NELL1: variants seen among roughly 807,000 people sequenced by gnomAD.
The protein encoded by NELL1 is protein kinase C-binding protein NELL1.
Under a neutral mutation model 107.4 loss-of-function variants are expected in NELL1, and 76 were observed. That is an observed-to-expected ratio of 0.71 (90% CI 0.59 to 0.86). The LOEUF (loss-of-function observed/expected upper bound fraction) is 0.86, where lower values mean the gene tolerates loss of function less well. NELL1 is among the 40% of genes least tolerant of loss of function. The pLI is 0.00. For synonymous variants in NELL1, 353 were observed against 341.2 expected (o/e 1.03, Z -0.38); for missense variants, 1,024 against 1,005.5 (o/e 1.02, Z -0.25).
intron 15 of NELL1, among the ~76,000 whole-genome samples, chr11:21,505,688 C>A (rs559453284): frequency 1.3e-5 from 2 of 152,300 alleles, no homozygotes; most frequent in South Asian, 4.1e-4. Flanking sequence ...ATTGAGATAT[C>A]TTTCCTATGG....
chr11:20,746,566 T>TCACACACACA (rs10556247), intron 2 of NELL1, among the ~76,000 whole-genome samples: 101 of 149,382 alleles, frequency 6.8e-4, no homozygotes, highest in African/African-American at 2.2e-3. Flanking sequence ...GTGACAGATT[T>TCACACACACA]CACACACACA....
intron 12 of NELL1, among the ~76,000 whole-genome samples, chr11:21,106,763 T>A (rs1565063365): frequency 6.6e-6 from 1 of 152,210 alleles, no homozygotes; most frequent in African/African-American, 2.4e-5. Flanking sequence ...CTAGGTTCTA[T>A]AGGCATTTGT....
intron 14 of NELL1, among the ~76,000 whole-genome samples, chr11:21,347,594 C>T (rs1000966372): frequency 1.3e-5 from 2 of 152,140 alleles, no homozygotes; most frequent in Non-Finnish European, 2.9e-5. Context: ...AAGAGCAAAA[C>T]TCTGCCTAAA....
chr11:20,777,325 A>C (rs899526747), intron 2 of NELL1, among the ~76,000 whole-genome samples: 2 of 152,276 alleles, frequency 1.3e-5, no homozygotes, highest in Admixed American at 1.3e-4. Flanking sequence ...TGGCACAGTA[A>C]TAAGATATAC....
intron 3 of NELL1, among the ~76,000 whole-genome samples, chr11:20,838,315 G>C (rs1472214112): frequency 1.3e-5 from 2 of 149,136 alleles, no homozygotes; most frequent in Non-Finnish European, 1.5e-5. Context: ...GCCTGAGGAG[G>C]CATGACAAAC....
At chr11:20,738,629 C>T (rs72942766) in intron 2 of NELL1, among the ~76,000 whole-genome samples, 3,585 of 152,196 alleles carry the variant, frequency 0.024, 70 homozygotes, top group Non-Finnish European at 0.035. Context: ...GGACTTGGAC[C>T]TGGATTCAAG....
At chr11:20,798,362 G>A (rs78458214) in intron 3 of NELL1, among the ~76,000 whole-genome samples, 5,124 of 152,264 alleles carry the variant, frequency 0.034, 284 homozygotes, top group African/African-American at 0.12. Flanking sequence ...ATATGTGCAT[G>A]TTAGATTTTG....
chr11:20,959,327 C>T (rs1851242345), intron 11 of NELL1, among the ~76,000 whole-genome samples: 1 of 152,162 alleles, frequency 6.6e-6, no homozygotes, highest in Admixed American at 6.5e-5. Context: ...TACTGGGTAT[C>T]TACCTAGAGG....
At chr11:21,454,585 A>G (rs1050789669) in intron 15 of NELL1, among the ~76,000 whole-genome samples, 3 of 152,254 alleles carry the variant, frequency 2.0e-5, no homozygotes, top group Non-Finnish European at 4.4e-5. Context: ...GAAAAAGAAT[A>G]CATCTCTTAG....
At chr11:21,123,374 C>T (rs916102349) in intron 13 of NELL1, among the ~76,000 whole-genome samples, 36 of 140,948 alleles carry the variant, frequency 2.6e-4, no homozygotes, top group African/African-American at 8.6e-4. Context: ...TGTGCGTTTC[C>T]ATGTATGTGT....
At chr11:21,453,172 T>A (rs1335260398) in intron 15 of NELL1, among the ~76,000 whole-genome samples, 3 of 152,238 alleles carry the variant, frequency 2.0e-5, no homozygotes, top group Non-Finnish European at 2.9e-5. Flanking sequence ...GCTCATTTAT[T>A]TTCTACTTGC....
chr11:20,985,460 C>T (rs1011876960), intron 12 of NELL1, among the ~76,000 whole-genome samples: 1 of 152,172 alleles, frequency 6.6e-6, no homozygotes, highest in African/African-American at 2.4e-5. Flanking sequence ...TATGGAAAAT[C>T]TATGACTGCT....
At chr11:20,764,611 C>CTTT (rs200315813) in intron 2 of NELL1, among the ~76,000 whole-genome samples, 20,469 of 141,890 alleles carry the variant, frequency 0.14, 1,503 homozygotes, top group South Asian at 0.19. Flanking sequence ...CACCCCAGAC[C>CTTT]TTTTTTTTTT....
intron 12 of NELL1, among the ~76,000 whole-genome samples, chr11:21,063,117 G>A (rs573291962): frequency 9.2e-5 from 14 of 152,202 alleles, no homozygotes; most frequent in Non-Finnish European, 1.5e-4. Flanking sequence ...TGAAGTGCTA[G>A]GATTACAAAT....
At chr11:21,473,675 G>T (rs2133889491) in intron 15 of NELL1, among the ~76,000 whole-genome samples, 1 of 152,092 alleles carries the variant, frequency 6.6e-6, no homozygotes, top group South Asian at 2.1e-4. Context: ...AATCTAGGTA[G>T]GATCAAGCTA....
At chr11:21,225,224 G>T (rs182239898) in intron 13 of NELL1, among the ~76,000 whole-genome samples, 1 of 152,230 alleles carries the variant, frequency 6.6e-6, no homozygotes, top group East Asian at 1.9e-4. Flanking sequence ...CTCTTAAAAT[G>T]GTATTGTGCT....
rs562100510 is a variant in NELL1 at position 21,442,592 on chromosome 11, TATTC to T, written c.1645+71646_1645+71649del. Among the ~76,000 whole-genome samples, 129 of 152,332 alleles carry T rather than the reference TATTC, an allele frequency of 8.5e-4. 1 individual carries two copies. Among genetic ancestry groups the T allele is most frequent in the Middle Eastern group, 6.8e-3 (2 of 294 alleles). Reference sequence around the variant, plus strand: ...GGGCATTTAGATATAGTCAATAAAATATTCAACATATTAAGTTATTTCACTTATG... The same window carrying T: ...GGGCATTTAGATATAGTCAATAAAATAACATATTAAGTTATTTCACTTATG... On this transcript the variant is annotated intron_variant, in intron 15 of 19. Transcript: ENST00000357134.
At chr11:21,440,608 A>T (rs1482855242) in intron 15 of NELL1, among the ~76,000 whole-genome samples, 1 of 152,196 alleles carries the variant, frequency 6.6e-6, no homozygotes, top group Non-Finnish European at 1.5e-5. Flanking sequence ...CATAGTGAAG[A>T]TGTACTACCT....
intron 14 of NELL1, among the ~76,000 whole-genome samples, chr11:21,292,840 C>T (rs2133962201): frequency 6.6e-6 from 1 of 152,194 alleles, no homozygotes; most frequent in Non-Finnish European, 1.5e-5. Flanking sequence ...GAAAGGATTC[C>T]CTATTTAATA....
Sources: gnomAD v4.1 joint callset for allele counts (sites outside exome capture counted in the v4.1 genomes callset) on GRCh38, gnomAD v4.1.1 for gene constraint, MANE v1.5 for transcripts, NCBI Gene and HGNC (gene_info 2026-07-23, HGNC 2026-07-21) for gene names.